INO80C: variants seen among roughly 807,000 people sequenced by gnomAD.
The protein encoded by INO80C is INO80 complex subunit C, also known as IES6 homolog.
INO80C carries 17 observed loss-of-function variants against 17.7 expected under a neutral mutation model. The observed-to-expected ratio is 0.96, with a 90% CI of 0.66 to 1.44. INO80C has a LOEUF of 1.44. Among genes scored for constraint, INO80C ranks in the 40% most tolerant of loss-of-function variants. The probability of loss-of-function intolerance (pLI) is 0.00; values close to 1 mark genes in which losing one functional copy is unlikely to be tolerated. For missense variants in INO80C, 244 were observed against 245.0 expected (o/e 1.00, Z 0.03); for synonymous variants, 96 against 95.8 (o/e 1.00, Z -0.01).
chr18:35,469,094 GCTC>G (rs2045638379), intron 4 of INO80C, among the ~76,000 whole-genome samples: 1 of 152,124 alleles, frequency 6.6e-6, no homozygotes, highest in Non-Finnish European at 1.5e-5. Context: ...CCAGGTCTGT[GCTC>G]CTCAAGGCAG....
At chr18:35,473,108 G>A (rs779387254) in intron 4 of INO80C, among the ~76,000 whole-genome samples, 3 of 152,318 alleles carry the variant, frequency 2.0e-5, no homozygotes, top group Admixed American at 1.3e-4. Context: ...GAAACAATAA[G>A]GATAAAGCTG....
chr18:35,478,192 C>G, intron 4 of INO80C, 90 bp downstream of exon 4: 1 of 993,342 alleles, frequency 1.0e-6, no homozygotes. Flanking sequence ...CAGGCAGGAC[C>G]AGCCATGATC....
At chr18:35,492,517 G>T (rs369759621) in intron 1 of INO80C, among the ~76,000 whole-genome samples, 79 of 150,074 alleles carry the variant, frequency 5.3e-4, no homozygotes, top group African/African-American at 1.8e-3. Context: ...AGGAGATTGG[G>T]TGACTTTTTA....
At position 35,468,523 on chromosome 18, in the gene INO80C, G is replaced by A; in HGVS notation, c.*88C>T. 3 of 1,589,990 alleles carry A rather than the reference G, an allele frequency of 1.9e-6. No homozygotes were observed. The highest frequency in any genetic ancestry group is 1.1e-5 in the South Asian group (1 of 89,066). Reference sequence around the variant, plus strand: ...CAGCACTGGCATTTTCAGATTGACAGCAGAACGAGTTTGTTTCCGTGAAAC... The same window carrying A: ...CAGCACTGGCATTTTCAGATTGACAACAGAACGAGTTTGTTTCCGTGAAAC... On this transcript the variant is annotated 3_prime_UTR_variant, in exon 5 of 5. Transcript: ENST00000334598.
intron 4 of INO80C, among the ~76,000 whole-genome samples, chr18:35,473,839 T>C (rs573256389): frequency 6.6e-6 from 1 of 152,190 alleles, no homozygotes; most frequent in African/African-American, 2.4e-5. Context: ...AGAAGTTAAG[T>C]GCAACTAAGT....
chr18:35,490,958 C>A (rs1934844062), intron 1 of INO80C, among the ~76,000 whole-genome samples: 1 of 152,190 alleles, frequency 6.6e-6, no homozygotes, highest in African/African-American at 2.4e-5. Flanking sequence ...CAAGGTTTCA[C>A]CATGTTGCCC....
chr18:35,497,144 G>A (rs1264499984), intron 1 of INO80C, among the ~76,000 whole-genome samples: 1 of 152,184 alleles, frequency 6.6e-6, no homozygotes, highest in Non-Finnish European at 1.5e-5. Context: ...ATTGTTCAGA[G>A]GCCCTGACGT....
intron 4 of INO80C, among the ~76,000 whole-genome samples, chr18:35,472,210 C>G (rs954392172): frequency 7.9e-5 from 12 of 152,214 alleles, no homozygotes; most frequent in African/African-American, 2.2e-4. Flanking sequence ...CTAGTTTACA[C>G]TCCCACCAAC....
At chr18:35,473,283 G>C (rs2045692377) in intron 4 of INO80C, among the ~76,000 whole-genome samples, 1 of 152,174 alleles carries the variant, frequency 6.6e-6, no homozygotes, top group South Asian at 2.1e-4. Flanking sequence ...ACATGAAGTA[G>C]CCATTTTCAG....
intron 1 of INO80C, chr18:35,497,245 G>T: frequency 1.4e-6 from 1 of 737,452 alleles, no homozygotes; most frequent in African/African-American, 1.9e-5. Context: ...CCTTTGGATT[G>T]GGAAACCCAG....
Position 35,497,815 on chromosome 18 carries a change from G to A in INO80C, c.60C>T (p.Ser20=), listed in dbSNP as rs752691856. ...GGGAAGGGCTGGCCGGCCTCTTCTT[G>A]CTGTTCCGGACTATTCCGGGAGTGG... ...TTSTPGIVRN[S]KKRPASPSHN... The change falls in exon 1 of 5, where the codon AGC becomes AGT. Residue 20 remains serine (S), a synonymous_variant. Transcript: ENST00000334598. 9.7e-5 allele frequency: 157 copies of A among 1,612,660 alleles called. No homozygotes were observed. Among genetic ancestry groups the A allele is most frequent in the Non-Finnish European group, 1.2e-4 (147 of 1,179,370 alleles).
At chr18:35,484,457 C>T (rs1330166936) in intron 1 of INO80C, among the ~76,000 whole-genome samples, 1 of 152,214 alleles carries the variant, frequency 6.6e-6, no homozygotes, top group Non-Finnish European at 1.5e-5. Flanking sequence ...ACAATCAGCC[C>T]TCCATATAGA....
In INO80C at chr18:35,468,739, T is replaced by C; in HGVS notation, c.451A>G (p.Asn151Asp). 4 of 1,614,022 alleles carry C rather than the reference T, an allele frequency of 2.5e-6. No homozygotes were observed. The highest frequency in any genetic ancestry group is 3.4e-6 in the Non-Finnish European group (4 of 1,179,890). ...KYSDVSGLLANYTDPQSKLRF... is the reference protein window; with the variant it reads ...KYSDVSGLLADYTDPQSKLRF... Reference sequence around the variant, plus strand: ...AGTTTGCTCTGGGGGTCTGTGTAGTTGGCCTGGGTGAAAAGAGGCACAGGG... The same window carrying C: ...AGTTTGCTCTGGGGGTCTGTGTAGTCGGCCTGGGTGAAAAGAGGCACAGGG... The change falls in exon 5 of 5, where the codon AAC becomes GAC. Residue 151 changes from asparagine (N) to aspartate (D), a missense_variant. Transcript: ENST00000334598.
Position 35,497,930 on chromosome 18 carries a change from A to T in INO80C, c.-56T>A. On this transcript the variant is annotated 5_prime_UTR_variant, in exon 1 of 5. Transcript: ENST00000334598. ...CCTTTTTCCCAGCGCGGGCCTTGGA[A>T]CTTCCTTTCCGCTGTTACTTCCGTC... 6.8e-7 allele frequency: 1 copy of T among 1,463,434 alleles called. No homozygotes were observed. Among genetic ancestry groups the T allele is most frequent in the Non-Finnish European group, 9.1e-7 (1 of 1,104,644 alleles). The allele number at this position is 1,463,434 out of a possible 1,614,324, so 90.7% of individuals were successfully genotyped here.
chr18:35,474,211 A>ATATATG, intron 4 of INO80C, among the ~76,000 whole-genome samples: 1 of 91,302 alleles, frequency 1.1e-5, no homozygotes, highest in Non-Finnish European at 2.0e-5. Flanking sequence ...GTGTGTCTAT[A>ATATATG]TATATATATA....
chr18:35,490,051 C>A (rs1027727182), intron 1 of INO80C, among the ~76,000 whole-genome samples: 1 of 151,746 alleles, frequency 6.6e-6, no homozygotes, highest in African/African-American at 2.4e-5. Flanking sequence ...CACCCAGCTG[C>A]GAATGAGCCA....
chr18:35,475,377 G>T (rs2045723308), intron 4 of INO80C, among the ~76,000 whole-genome samples: 1 of 152,158 alleles, frequency 6.6e-6, no homozygotes, highest in Non-Finnish European at 1.5e-5. Context: ...ATTCAAAAAG[G>T]AAGAACAAGG....
intron 1 of INO80C, among the ~76,000 whole-genome samples, chr18:35,481,734 A>T (rs539723401): frequency 6.6e-6 from 1 of 152,088 alleles, no homozygotes; most frequent in Non-Finnish European, 1.5e-5. Context: ...AAATACAAAA[A>T]TTAGCCACGC....
intron 4 of INO80C, among the ~76,000 whole-genome samples, chr18:35,469,574 C>T (rs553596432): frequency 1.1e-4 from 16 of 152,302 alleles, no homozygotes; most frequent in Admixed American, 7.8e-4. Context: ...CTTCAGGACT[C>T]GGCCCCAAAG....
Sources: allele counts gnomAD v4.1 joint callset (sites outside exome capture counted in the v4.1 genomes callset), GRCh38; gene constraint gnomAD v4.1.1; transcripts MANE v1.5; gene names NCBI Gene and HGNC (gene_info 2026-07-23, HGNC 2026-07-21).